Variants in TBC1D22A observed in about 807,000 individuals in gnomAD.
TBC1D22A encodes putative GTPase activator.
A neutral mutation model predicts 60.2 loss-of-function variants in TBC1D22A; 38 were observed. The observed-to-expected ratio is 0.63, with a 90% CI of 0.49 to 0.83. The LOEUF (loss-of-function observed/expected upper bound fraction) is 0.83. Among genes scored for constraint, TBC1D22A ranks in the 40% least tolerant of loss-of-function variants. The pLI, the probability that TBC1D22A is intolerant of heterozygous loss-of-function variation, is 0.00. For missense variants in TBC1D22A, 628 were observed against 701.0 expected (o/e 0.90, Z 1.18); for synonymous variants, 302 against 281.7 (o/e 1.07, Z -0.72).
intron 4 of TBC1D22A, among the ~76,000 whole-genome samples, chr22:46,841,637 T>A (rs749210024): frequency 1.3e-5 from 2 of 152,162 alleles, no homozygotes; most frequent in African/African-American, 4.8e-5. Context: ...TCCAAAAAAA[T>A]TGCCTTCCTG....
chr22:46,908,490 G>A (rs75642912), intron 7 of TBC1D22A, among the ~76,000 whole-genome samples: 14,041 of 152,214 alleles, frequency 0.092, 1,864 homozygotes, highest in African/African-American at 0.29. Flanking sequence ...TGAGCTGGCT[G>A]TCCTTTATTT....
chr22:47,020,261 CCAG>C (rs1240005233), intron 10 of TBC1D22A, among the ~76,000 whole-genome samples: 3 of 152,144 alleles, frequency 2.0e-5, no homozygotes, highest in Non-Finnish European at 4.4e-5. Context: ...AGTCAGCTGA[CCAG>C]CAGCCGGTGG....
chr22:46,878,724 G>A lies in TBC1D22A; in HGVS notation c.708+1G>A. 1 of 1,612,982 alleles carries A rather than the reference G, an allele frequency of 6.2e-7. No homozygotes were observed. Among genetic ancestry groups the A allele is most frequent in the Non-Finnish European group, 8.5e-7 (1 of 1,179,774 alleles). On this transcript the variant is annotated splice_donor_variant, in intron 5 of 12. Transcript: ENST00000337137. LOFTEE classifies it high-confidence loss of function. ...TCCAATGACGTGGAAGCTCCTCTCA[G>A]TAAGTCCCACCGCACCGCCCATCAG... is the stretch of plus-strand genomic sequence containing the variant.
At chr22:47,000,927 G>C (rs1384950248) in intron 10 of TBC1D22A, among the ~76,000 whole-genome samples, 1 of 152,134 alleles carries the variant, frequency 6.6e-6, no homozygotes, top group East Asian at 1.9e-4. Flanking sequence ...GTGAAGCTAG[G>C]ACCTGGCTAG....
chr22:47,015,728 T>G (rs2061888876), intron 10 of TBC1D22A, among the ~76,000 whole-genome samples: 1 of 152,214 alleles, frequency 6.6e-6, no homozygotes, highest in African/African-American at 2.4e-5. Flanking sequence ...CCAACATCCC[T>G]GGCCACCAGC....
At chr22:47,042,949 C>T (rs1480291936) in intron 11 of TBC1D22A, among the ~76,000 whole-genome samples, 2 of 152,330 alleles carry the variant, frequency 1.3e-5, no homozygotes, top group East Asian at 1.9e-4. Context: ...TGCAGATGTC[C>T]CTGATATCTC....
intron 8 of TBC1D22A, among the ~76,000 whole-genome samples, chr22:46,969,192 G>C (rs1225921656): frequency 6.6e-6 from 1 of 152,166 alleles, no homozygotes; most frequent in East Asian, 1.9e-4. Flanking sequence ...TATTTAAACT[G>C]TTCTAAGTGG....
chr22:47,019,404 T>C (rs1603025351), intron 10 of TBC1D22A, among the ~76,000 whole-genome samples: 1 of 152,170 alleles, frequency 6.6e-6, no homozygotes, highest in East Asian at 1.9e-4. Context: ...AGATGGCAGA[T>C]TGGGAGGACA....
At chr22:46,878,565 T>C (rs562482995) in intron 4 of TBC1D22A, 88 bp from the exon 5 acceptor site, 2 of 1,103,788 alleles carry the variant, frequency 1.8e-6, no homozygotes, top group Non-Finnish European at 1.4e-6. Flanking sequence ...TGCCTCCTAA[T>C]TAAACAGGTG....
intron 10 of TBC1D22A, among the ~76,000 whole-genome samples, chr22:46,999,742 C>T (rs544868183): frequency 6.6e-6 from 1 of 152,308 alleles, no homozygotes; most frequent in South Asian, 2.1e-4. Flanking sequence ...AAAAGCTTCT[C>T]AGGCCGGGCG....
At chr22:47,172,709 G>T (rs1024388588) in intron 12 of TBC1D22A, among the ~76,000 whole-genome samples, 2 of 152,190 alleles carry the variant, frequency 1.3e-5, no homozygotes, top group African/African-American at 4.8e-5. Flanking sequence ...ATAAATAAAT[G>T]GTGGCCCCAT....
At chr22:47,149,224 G>A (rs1405946253) in intron 12 of TBC1D22A, among the ~76,000 whole-genome samples, 1 of 152,188 alleles carries the variant, frequency 6.6e-6, no homozygotes, top group East Asian at 1.9e-4. Flanking sequence ...GTGGTTGGGG[G>A]ACAGGCTCTG....
chr22:46,932,882 G>A (rs566080896), intron 8 of TBC1D22A, among the ~76,000 whole-genome samples: 1 of 152,024 alleles, frequency 6.6e-6, no homozygotes, highest in South Asian at 2.1e-4. Context: ...CTGCCACCAC[G>A]CCTGGCTAAT....
intron 7 of TBC1D22A, among the ~76,000 whole-genome samples, chr22:46,908,355 CT>C (rs1275639092): frequency 6.6e-6 from 1 of 152,182 alleles, no homozygotes; most frequent in Non-Finnish European, 1.5e-5. Flanking sequence ...GAGCAGTGCC[CT>C]AAAAGCCTGT....
intron 11 of TBC1D22A, among the ~76,000 whole-genome samples, chr22:47,084,719 A>G (rs2064608422): frequency 6.6e-6 from 1 of 152,244 alleles, no homozygotes; most frequent in African/African-American, 2.4e-5. Flanking sequence ...GAATGTATGA[A>G]AAGTCCCTGA....
intron 10 of TBC1D22A, among the ~76,000 whole-genome samples, chr22:47,006,485 G>A (rs954516371): frequency 3.3e-5 from 5 of 152,196 alleles, no homozygotes; most frequent in East Asian, 1.9e-4. Context: ...GGATCTTGGC[G>A]GTGACCCCGG....
chr22:46,840,933 C>T (rs2086730118), intron 4 of TBC1D22A, among the ~76,000 whole-genome samples: 1 of 152,040 alleles, frequency 6.6e-6, no homozygotes, highest in Non-Finnish European at 1.5e-5. Flanking sequence ...GAAATGAAGT[C>T]AGTGCCTCGT....
At chr22:46,821,240 A>G (rs1420585796) in intron 4 of TBC1D22A, among the ~76,000 whole-genome samples, 2 of 151,914 alleles carry the variant, frequency 1.3e-5, no homozygotes, top group Admixed American at 1.3e-4. Flanking sequence ...TTTACATATA[A>G]AGTTAGTATT....
intron 7 of TBC1D22A, among the ~76,000 whole-genome samples, chr22:46,903,750 T>A (rs4823582): frequency 0.53 from 80,736 of 151,962 alleles, 23,698 homozygotes; most frequent in African/African-American, 0.78. Context: ...TGGACGGGGG[T>A]GGAAAGGAAT....
Sources: allele counts gnomAD v4.1 joint callset (sites outside exome capture counted in the v4.1 genomes callset), GRCh38; gene constraint gnomAD v4.1.1; transcripts MANE v1.5; gene names NCBI Gene and HGNC (gene_info 2026-07-23, HGNC 2026-07-21).